The following FAM229B variants were observed in gnomAD, a reference collection of about 807,000 sequenced individuals.
FAM229B encodes the protein protein FAM229B.
In FAM229B, 2 loss-of-function variants were observed where a neutral mutation model predicts 6.7. The observed-to-expected ratio is 0.30, with a 90% CI of 0.12 to 0.94. The LOEUF (loss-of-function observed/expected upper bound fraction) is 0.94. FAM229B is among the 40% of genes least tolerant of loss of function. The pLI is 0.54. For synonymous variants in FAM229B, 29 were observed against 34.0 expected, an observed-to-expected ratio of 0.85 and a Z score of 0.51; for missense variants, 93 against 96.2, an observed-to-expected ratio of 0.97 and a Z score of 0.14.
At chr6:112,094,740 C>T (rs1777300392) in intron 1 of FAM229B, among the ~76,000 whole-genome samples, 1 of 152,032 alleles carries the variant, frequency 6.6e-6, no homozygotes. Context: ...GTCTTTTTTT[C>T]TTAGAACATG....
intron 1 of FAM229B, among the ~76,000 whole-genome samples, chr6:112,094,752 C>A (rs1777300539): frequency 6.6e-6 from 1 of 152,082 alleles, no homozygotes; most frequent in African/African-American, 2.4e-5. Flanking sequence ...TAGAACATGA[C>A]AAGTTCAAAT....
intron 1 of FAM229B, among the ~76,000 whole-genome samples, chr6:112,093,741 A>G (rs1777287240): frequency 1.3e-5 from 2 of 152,158 alleles, no homozygotes; most frequent in South Asian, 4.1e-4. Flanking sequence ...AAATACTTAT[A>G]TAGAACACTG....
At chr6:112,095,144 A>G (rs1777304805) in intron 1 of FAM229B, among the ~76,000 whole-genome samples, 1 of 152,096 alleles carries the variant, frequency 6.6e-6, no homozygotes, top group Non-Finnish European at 1.5e-5. Flanking sequence ...GTGTCTCAAT[A>G]CTCTGATTTC....
At chr6:112,100,134 A>G (rs782422031) in intron 3 of FAM229B, among the ~76,000 whole-genome samples, 9 of 152,194 alleles carry the variant, frequency 5.9e-5, no homozygotes, top group Non-Finnish European at 1.0e-4. Flanking sequence ...CTGAATGACT[A>G]TTTGGTGGGA....
chr6:112,089,043 T>A (rs1777220927), intron 1 of FAM229B, among the ~76,000 whole-genome samples: 1 of 152,160 alleles, frequency 6.6e-6, no homozygotes, highest in African/African-American at 2.4e-5. Flanking sequence ...AACTTCCGTA[T>A]ATGCAAACCC....
rs587652100 is a variant in FAM229B, at chr6:112,088,123, TA to T, written c.-176+405del. 1.8e-3 allele frequency among the ~76,000 whole-genome samples: 272 copies of T among 152,352 alleles called. 3 individuals are homozygous for T. The highest frequency in any genetic ancestry group is 6.4e-3 in the African/African-American group (266 of 41,566). On this transcript the variant is annotated intron_variant, in intron 1 of 3. Coordinates refer to ENST00000368656, the MANE Select transcript of FAM229B (RefSeq NM_001033564.3). ...ATCCAGTTCCAAGAAGCTTACAATC[TA>T]ATTGAAGACATACACGCGAAATACT...
intron 2 of FAM229B, among the ~76,000 whole-genome samples, chr6:112,098,801 C>T (rs184521799): frequency 6.1e-4 from 93 of 152,238 alleles, no homozygotes; most frequent in East Asian, 1.2e-3. Flanking sequence ...TGTTTTCACA[C>T]GGCAGAAATG....
chr6:112,095,650 A>AG (rs1554318571), intron 1 of FAM229B, among the ~76,000 whole-genome samples: 1 of 143,876 alleles, frequency 7.0e-6, no homozygotes. Context: ...AAAAAAAAAA[A>AG]AAAAAAAAAA....
At chr6:112,089,720 G>A (rs1188776292) in intron 1 of FAM229B, among the ~76,000 whole-genome samples, 1 of 151,958 alleles carries the variant, frequency 6.6e-6, no homozygotes, top group Non-Finnish European at 1.5e-5. Context: ...ATAATGTAGA[G>A]GAAAGTCTTA....
intron 1 of FAM229B, among the ~76,000 whole-genome samples, chr6:112,096,304 C>T (rs782519474): frequency 6.6e-5 from 10 of 152,130 alleles, no homozygotes; most frequent in Non-Finnish European, 8.8e-5. Flanking sequence ...CGCCTGTAAT[C>T]CCAGCACTTT....
chr6:112,096,259 A>C (rs1180161801), intron 1 of FAM229B, among the ~76,000 whole-genome samples: 4 of 152,126 alleles, frequency 2.6e-5, no homozygotes, highest in Non-Finnish European at 5.9e-5. Flanking sequence ...ACAGTACAAG[A>C]TGTATTCTTC....
chr6:112,099,391 G>A lies in FAM229B; in HGVS notation c.108G>A (p.Lys36=). 1 of 1,613,394 alleles carries A rather than the reference G, an allele frequency of 6.2e-7. No individual in the cohort carries two copies. Reference sequence around the variant, plus strand: ...GCTCCAGTGCTGCCTGTAATGGGAAGGAGATGTCACCAACCAGGTAAAGTC... The same window carrying A: ...GCTCCAGTGCTGCCTGTAATGGGAAAGAGATGTCACCAACCAGGTAAAGTC... The part of the protein sequence containing the change: ...GLSSSAACNG[K]EMSPTRQLRR... The change falls in exon 3 of 4, where the codon AAG becomes AAA. Residue 36 remains lysine, a synonymous_variant. Transcript: ENST00000368656.
Position 112,102,528 on chromosome 6 carries a change from A to ATAT in FAM229B, c.*1741_*1742insTAT, listed in dbSNP as rs1777412440. On this transcript the variant is annotated 3_prime_UTR_variant, in exon 4 of 4. Transcript: ENST00000368656. The stretch of plus-strand genomic sequence containing the variant: ...AGAAAAATTCCTCAGAGCTCATACA[A>ATAT]GGCTGGGTAGAATATGTGTTTCAAC... 1.3e-5 allele frequency: 2 copies of ATAT among 152,284 alleles called. No homozygotes were observed. Among genetic ancestry groups the ATAT allele is most frequent in the South Asian group, 4.2e-4 (2 of 4,816 alleles). The allele number at this position is 152,284 out of a possible 1,614,324, so 9.4% of individuals were successfully genotyped here.
chr6:112,096,646 GA>G lies in FAM229B; in HGVS notation c.-175-386del, dbSNP rs1182329507. On this transcript the variant is annotated intron_variant, in intron 1 of 3. Coordinates refer to ENST00000368656, the MANE Select transcript of FAM229B (RefSeq NM_001033564.3). ...TTTGAAGACTCTCTTGAGGAAACAG[GA>G]AAAAAAAATAAAGTTAGTCCAGGCA... is the stretch of plus-strand genomic sequence containing the variant. 3.3e-5 allele frequency among the ~76,000 whole-genome samples: 5 copies of G among 150,382 alleles called. No homozygotes were observed. The East Asian group carries it at 5.8e-4, about 17-fold the overall frequency.
At position 112,100,714 on chromosome 6, in the gene FAM229B, A is replaced by T; in HGVS notation, c.170A>T (p.Asp57Val). 1.9e-6 allele frequency: 3 copies of T among 1,614,096 alleles called. No individual in the cohort carries two copies. Among genetic ancestry groups the T allele is most frequent in the Non-Finnish European group, 2.5e-6 (3 of 1,179,944 alleles). ...CPGSHCLTIT[D>V]VPVTVYATTR... Reference sequence around the variant, plus strand: ...GGAAGTCATTGCCTGACAATAACTGATGTTCCCGTCACTGTTTATGCAACA... The same window carrying T: ...GGAAGTCATTGCCTGACAATAACTGTTGTTCCCGTCACTGTTTATGCAACA... The change falls in exon 4 of 4, where the codon GAT (aspartate) becomes GTT (valine). Residue 57 changes from aspartate to valine, a missense_variant. Transcript: ENST00000368656.
rs1777390448 is a variant in FAM229B, at chr6:112,100,892, ACAACAGTTGAGCT to A, written c.*107_*119del. 1.2e-6 allele frequency: 1 copy of A among 818,458 alleles called. No homozygotes were observed. Among genetic ancestry groups the A allele is most frequent in the African/African-American group, 1.7e-5 (1 of 58,968 alleles). 50.7% of individuals were successfully genotyped at this position (818,458 alleles called of 1,614,324 possible). A position where few individuals can be genotyped will look rare whatever the true frequency, so the allele number is the denominator to read the frequency against. On this transcript the variant is annotated 3_prime_UTR_variant, in exon 4 of 4. Transcript: ENST00000368656. ...AAAGTGGTGGCACCTTTAGATGATG[ACAACAGTTGAGCT>A]CTTTACTTTTAGTAAGACCGACAGA...
chr6:112,095,649 AAAAAAAAAAAACCAAAAAAAAAAAAAAAG>A (rs1554318570), intron 1 of FAM229B, among the ~76,000 whole-genome samples: 10 of 143,744 alleles, frequency 7.0e-5, no homozygotes, highest in African/African-American at 1.9e-4. Flanking sequence ...AAAAAAAAAA[AAAAAAAAAAAACCAAAAAAAAAAAAAAAG>A]AAAAAAAAAA....
intron 1 of FAM229B, among the ~76,000 whole-genome samples, chr6:112,096,584 T>C (rs182655332): frequency 2.0e-5 from 3 of 152,136 alleles, no homozygotes; most frequent in Admixed American, 1.3e-4. Flanking sequence ...GATGTATTCT[T>C]CCTTTCACAA....
intron 3 of FAM229B, among the ~76,000 whole-genome samples, chr6:112,100,340 C>T (rs587699172): frequency 2.6e-5 from 4 of 152,294 alleles, no homozygotes; most frequent in African/African-American, 9.6e-5. Flanking sequence ...CATGAATTGC[C>T]ACGGTATTGT....
Sources: gnomAD v4.1 joint callset for allele counts (sites outside exome capture counted in the v4.1 genomes callset) on GRCh38, gnomAD v4.1.1 for gene constraint, MANE v1.5 for transcripts, NCBI Gene and HGNC (gene_info 2026-07-23, HGNC 2026-07-21) for gene names.